Variants in BRCA1 observed in about 807,000 individuals in gnomAD.
BRCA1 encodes the protein breast cancer type 1 susceptibility protein.
Under a neutral mutation model 173.7 loss-of-function variants are expected in BRCA1, and 140 were observed. The ratio of observed to expected loss-of-function variants is 0.81; its 90% CI spans 0.70 to 0.93. BRCA1 has a LOEUF of 0.93. Ranked by LOEUF, BRCA1 falls within the 40% of genes least tolerant of loss-of-function variation. The pLI is 0.00. For synonymous variants in BRCA1, 662 were observed against 756.0 expected (o/e 0.88, Z 2.04); for missense variants, 1,983 against 2,172.5 (o/e 0.91, Z 1.73).
At chr17:43,053,796 C>T (rs2051349251) in intron 19 of BRCA1, among the ~76,000 whole-genome samples, 2 of 151,636 alleles carry the variant, frequency 1.3e-5, no homozygotes, top group Non-Finnish European at 2.9e-5. Context: ...ATGGAGAAAC[C>T]CCATCTCTAC....
rs986370947 is a variant in BRCA1 at position 43,086,323 on chromosome 17, G to C, written c.4186-3748C>G. 2.6e-5 allele frequency among the ~76,000 whole-genome samples: 4 copies of C among 152,070 alleles called. No individual in the cohort carries two copies. The East Asian group carries it at 7.7e-4, about 29-fold the overall frequency. ...AGCAGACAGTAAGCACTCAGCAAGT[G>C]TTTATTAATGAGAAGATAAATTAAT... is the stretch of plus-strand genomic sequence containing the variant. On this transcript the variant is annotated intron_variant, in intron 11 of 22. Coordinates refer to ENST00000357654, the MANE Select transcript of BRCA1 (RefSeq NM_007294.4).
chr17:43,125,586 G>T (rs567157356), upstream of BRCA1: 14 of 301,998 alleles, frequency 4.6e-5, no homozygotes, highest in Admixed American at 2.2e-4. Context: ...AGACGGAAGA[G>T]GAAGAATTCT....
At chr17:43,133,499 T>TAG (rs1228398814) in intron 1 of BRCA1, among the ~76,000 whole-genome samples, 1 of 152,192 alleles carries the variant, frequency 6.6e-6, no homozygotes, top group Admixed American at 6.5e-5. Context: ...GCTTTAAATC[T>TAG]AAGCTGACAT....
intron 22 of BRCA1, 109 bp from the exon 23 acceptor site, chr17:43,045,911 G>T (rs2152641031): frequency 7.1e-7 from 1 of 1,408,702 alleles, no homozygotes; most frequent in Non-Finnish European, 9.7e-7. Context: ...GGATTAATGA[G>T]GTAGAAGCTA....
intron 12 of BRCA1, among the ~76,000 whole-genome samples, chr17:43,077,490 C>T (rs2052790326): frequency 6.6e-6 from 1 of 152,124 alleles, no homozygotes; most frequent in South Asian, 2.1e-4. Context: ...GCCACCACGC[C>T]CAGCTAGTTT....
intron 14 of BRCA1, among the ~76,000 whole-genome samples, chr17:43,072,246 G>A (rs1334758443): frequency 1.3e-5 from 2 of 151,632 alleles, no homozygotes; most frequent in East Asian, 2.0e-4. Flanking sequence ...AAAATTAGCC[G>A]GGCGTGGTGG....
At position 43,067,763 on chromosome 17, in the gene BRCA1, T is replaced by C. The variant is rs8176234; in HGVS notation, c.4987-68A>G. Reference sequence around the variant, plus strand: ...GCACACAGCTCAGAATACTAGTTATTCCACCATGGCATATGTTTACCTATG... The same window carrying C: ...GCACACAGCTCAGAATACTAGTTATCCCACCATGGCATATGTTTACCTATG... On this transcript the variant is annotated intron_variant, in intron 15 of 22. Coordinates refer to ENST00000357654, the MANE Select transcript of BRCA1 (RefSeq NM_007294.4). The C allele has an allele frequency of 0.34, 413,426 of 1,221,538 alleles. 72,491 individuals carry two copies. Among genetic ancestry groups the C allele is most frequent in the South Asian group, 0.5 (40,961 of 82,448 alleles). The allele number at this position is 1,221,538 out of a possible 1,614,324, so 75.7% of individuals were successfully genotyped here. A position where few individuals can be genotyped will look rare whatever the true frequency, so the allele number is the denominator to read the frequency against.
intron 1 of BRCA1, among the ~76,000 whole-genome samples, chr17:43,157,338 TAAAAG>T (rs534853252): frequency 0.011 from 1,629 of 152,332 alleles, 23 homozygotes; most frequent in Non-Finnish European, 0.013. Flanking sequence ...GGTACTGTAT[TAAAAG>T]GAAGTGAAAT....
intron 3 of BRCA1, among the ~76,000 whole-genome samples, chr17:43,114,588 T>C (rs941499513): frequency 1.3e-5 from 2 of 152,116 alleles, no homozygotes; most frequent in African/African-American, 4.8e-5. Flanking sequence ...CTCTGGAATT[T>C]AAAAATTCCT....
In BRCA1 at chr17:43,114,980, C is replaced by T. The variant is rs8176104; in HGVS notation, c.134+746G>A. On this transcript the variant is annotated intron_variant, in intron 3 of 22. Transcript: ENST00000357654. The stretch of plus-strand genomic sequence containing the variant: ...ATCACTGCTATAAATGAATTTTGGC[C>T]TAAATAGAAACTGGTATCAGGTCCT... Among the ~76,000 whole-genome samples the T allele has an allele frequency of 0.03, 4,490 of 152,084 alleles. 100 individuals are homozygous for T. Among genetic ancestry groups the T allele is most frequent in the Non-Finnish European group, 0.048 (3,239 of 67,984 alleles).
intron 20 of BRCA1, chr17:43,050,242 G>A (rs1002157742): frequency 1.0e-5 from 4 of 396,370 alleles, no homozygotes; most frequent in East Asian, 3.6e-5. Flanking sequence ...TTTGTGCTGC[G>A]CAACTCCAGA....
intron 1 of BRCA1, among the ~76,000 whole-genome samples, chr17:43,139,276 C>T (rs2056055820): frequency 2.1e-5 from 3 of 145,814 alleles, no homozygotes; most frequent in South Asian, 2.2e-4. Context: ...TACATGTGAA[C>T]GTTTGTTATA....
chr17:43,126,258 C>T (rs1432336604), upstream of BRCA1, among the ~76,000 whole-genome samples: 1 of 152,210 alleles, frequency 6.6e-6, no homozygotes, highest in African/African-American at 2.4e-5. Flanking sequence ...TCTCCGTCGA[C>T]GCAATCGCCA....
rs398122354 is a variant in BRCA1 at position 43,094,875 on chromosome 17, AAAT to A, written c.671-18_671-16del. ...TTCACAAGCAGCTGAAAATATACAA[AAAT>A]AACAAGGTACTCAAAAACTGAATTG... On this transcript the variant is annotated splice_polypyrimidine_tract_variant and intron_variant, in intron 9 of 22. Coordinates refer to ENST00000357654, the MANE Select transcript of BRCA1 (RefSeq NM_007294.4). 1.3e-6 allele frequency: 2 copies of A among 1,597,296 alleles called. No individual in the cohort carries two copies. Among genetic ancestry groups the A allele is most frequent in the Non-Finnish European group, 1.7e-6 (2 of 1,170,644 alleles).
chr17:43,075,862 C>T (rs989993705), intron 13 of BRCA1, among the ~76,000 whole-genome samples: 1 of 152,024 alleles, frequency 6.6e-6, no homozygotes, highest in Non-Finnish European at 1.5e-5. Flanking sequence ...GAGGGCAAGG[C>T]GGGCGGACTA....
chr17:43,163,123 G>A (rs1484916054), intron 1 of BRCA1: 3 of 152,150 alleles, frequency 2.0e-5, no homozygotes, highest in Non-Finnish European at 1.5e-5. Context: ...TTATATTCAG[G>A]TTTTCCTAAG....
upstream of BRCA1, among the ~76,000 whole-genome samples, chr17:43,126,546 C>T (rs2055880652): frequency 6.6e-6 from 1 of 152,146 alleles, no homozygotes; most frequent in South Asian, 2.1e-4. Context: ...AGAAGAGGGG[C>T]GACTTTTTCC....
chr17:43,146,299 C>CTTTTT (rs774223347), intron 1 of BRCA1, among the ~76,000 whole-genome samples: 1 of 76,114 alleles, frequency 1.3e-5, no homozygotes, highest in African/African-American at 6.1e-5. Flanking sequence ...ATTTTTGTTA[C>CTTTTT]TTTTTTTTTT....
intron 16 of BRCA1, among the ~76,000 whole-genome samples, chr17:43,066,786 C>T (rs1300973836): frequency 6.8e-6 from 1 of 146,706 alleles, no homozygotes; most frequent in Non-Finnish European, 1.5e-5. Flanking sequence ...TAATAGTTGA[C>T]TATCTCAGCT....
Sources: allele counts gnomAD v4.1 joint callset (sites outside exome capture counted in the v4.1 genomes callset), GRCh38; gene constraint gnomAD v4.1.1; transcripts MANE v1.5; gene names NCBI Gene and HGNC (gene_info 2026-07-23, HGNC 2026-07-21).